Variants in DAPP1 observed in about 807,000 individuals in gnomAD.
The protein encoded by DAPP1 is dual adaptor of phosphotyrosine and 3-phosphoinositides 1.
DAPP1 carries 20 observed loss-of-function variants against 41.5 expected under a neutral mutation model. The ratio of observed to expected loss-of-function variants is 0.48; its 90% CI spans 0.34 to 0.70. The LOEUF is 0.70. DAPP1 is among the 30% of genes least tolerant of loss of function. The pLI, the probability that DAPP1 is intolerant of heterozygous loss-of-function variation, is 0.01. For synonymous variants in DAPP1, 113 were observed against 116.2 expected (o/e 0.97, Z 0.18); for missense variants, 233 against 333.4 (o/e 0.70, Z 2.35).
chr4:99,844,185 G>A (rs1025958378), intron 3 of DAPP1: 10 of 152,152 alleles, frequency 6.6e-5, no homozygotes, highest in African/African-American at 2.4e-4. Context: ...AGAAAAGAGG[G>A]AAACAGGGAA....
chr4:99,836,139 CT>C (rs1334130755), intron 2 of DAPP1, among the ~76,000 whole-genome samples: 1 of 152,204 alleles, frequency 6.6e-6, no homozygotes, highest in Non-Finnish European at 1.5e-5. Flanking sequence ...TGATTTATGA[CT>C]GTACGGCTTT....
chr4:99,818,725 A>G (rs1722673569), intron 1 of DAPP1, among the ~76,000 whole-genome samples: 1 of 152,068 alleles, frequency 6.6e-6, no homozygotes, highest in Admixed American at 6.6e-5. Flanking sequence ...AGATTTCCCT[A>G]TTTCAGAAGG....
intron 1 of DAPP1, 29 bp from the exon 2 acceptor site, chr4:99,835,594 G>A: frequency 6.2e-7 from 1 of 1,608,954 alleles, no homozygotes; most frequent in Non-Finnish European, 8.5e-7. Context: ...GGTTTGGCCT[G>A]AGTGAAAGCG....
rs74586862 is a variant in DAPP1 at position 99,840,225 on chromosome 4, A to C, written c.225-64A>C. The stretch of plus-strand genomic sequence containing the variant: ...AATAGTGATGCTAACATCTGAGATC[A>C]TATTTCCCTTCAACAAGATATTTAT... On this transcript the variant is annotated intron_variant, in intron 2 of 8. Transcript: ENST00000512369. 2.6e-3 allele frequency: 3,012 copies of C among 1,174,306 alleles called. 56 individuals carry two copies. In the African/African-American group the frequency reaches 0.038, roughly 15 times the overall value. The allele number at this position is 1,174,306 out of a possible 1,614,324, so 72.7% of individuals were successfully genotyped here.
intron 1 of DAPP1, among the ~76,000 whole-genome samples, chr4:99,820,902 A>G (rs1463756760): frequency 6.6e-6 from 1 of 152,238 alleles, no homozygotes; most frequent in Non-Finnish European, 1.5e-5. Context: ...ATGTACAGCC[A>G]TTCTTGGCTC....
chr4:99,820,956 G>A lies in DAPP1; in HGVS notation c.101+3942G>A, dbSNP rs971470714. 2.4e-4 allele frequency among the ~76,000 whole-genome samples: 36 copies of A among 152,298 alleles called. 1 individual carries two copies. The East Asian group carries it at 6.6e-3, about 28-fold the overall frequency. Reference sequence around the variant, plus strand: ...GGTGTCTGACAGGAATTAACCCTCAGCTGGTGGTTTGCTGACCCACGGAAT... The same window carrying A: ...GGTGTCTGACAGGAATTAACCCTCAACTGGTGGTTTGCTGACCCACGGAAT... On this transcript the variant is annotated intron_variant, in intron 1 of 8. Transcript: ENST00000512369.
intron 2 of DAPP1, among the ~76,000 whole-genome samples, chr4:99,836,260 A>G (rs1723294901): frequency 6.6e-6 from 1 of 152,196 alleles, no homozygotes; most frequent in Admixed American, 6.5e-5. Context: ...AAGTTAATCC[A>G]GTCCCCACCA....
intron 1 of DAPP1, among the ~76,000 whole-genome samples, chr4:99,826,683 A>G (rs1722949022): frequency 6.6e-6 from 1 of 152,208 alleles, no homozygotes; most frequent in Non-Finnish European, 1.5e-5. Flanking sequence ...TGCTCCAGCT[A>G]GGCATTTGGT....
At chr4:99,852,458 G>C (rs1286105148) in intron 3 of DAPP1, among the ~76,000 whole-genome samples, 1 of 152,192 alleles carries the variant, frequency 6.6e-6, no homozygotes, top group Non-Finnish European at 1.5e-5. Context: ...ACTCAGAACT[G>C]CTCTGAGCCC....
chr4:99,828,900 G>A (rs1723030909), intron 1 of DAPP1, among the ~76,000 whole-genome samples: 1 of 152,170 alleles, frequency 6.6e-6, no homozygotes, highest in South Asian at 2.1e-4. Flanking sequence ...TTATGGCAAT[G>A]TGTGGGCCTT....
At chr4:99,842,869 T>TTTTTTTTTTTGG (rs1723541822) in intron 3 of DAPP1, among the ~76,000 whole-genome samples, 1 of 148,198 alleles carries the variant, frequency 6.7e-6, no homozygotes. Context: ...TTTTTTTTTT[T>TTTTTTTTTTTGG]GAGACGGAGT....
chr4:99,868,475 G>C lies in DAPP1; in HGVS notation c.*290G>C, dbSNP rs1724539138. The C allele has an allele frequency of 2.9e-6, 1 of 343,460 alleles. No individual in the cohort carries two copies. Among genetic ancestry groups the C allele is most frequent in the South Asian group, 3.7e-5 (1 of 27,312 alleles). 21.3% of individuals were successfully genotyped at this position (343,460 alleles called of 1,614,324 possible). A position where few individuals can be genotyped will look rare whatever the true frequency, so the allele number is the denominator to read the frequency against. ...CTTAGAACACACAATGGAAGAGGAA[G>C]GGTTTTTGTTTTCACTCATTGTGGT... On this transcript the variant is annotated 3_prime_UTR_variant, in exon 9 of 9. Transcript: ENST00000512369.
chr4:99,846,264 T>C (rs1490949770), intron 3 of DAPP1, among the ~76,000 whole-genome samples: 1 of 152,220 alleles, frequency 6.6e-6, no homozygotes. Flanking sequence ...GAAGTTTCCA[T>C]GGTGACTAGA....
intron 8 of DAPP1, 74 bp from the exon 9 acceptor site, chr4:99,868,043 T>C (rs1427497869): frequency 1.6e-6 from 2 of 1,284,682 alleles, no homozygotes; most frequent in Non-Finnish European, 2.3e-6. Context: ...ACATGTCTTA[T>C]TTAATATTTG....
At chr4:99,859,218 G>C (rs1015857584) in intron 4 of DAPP1, among the ~76,000 whole-genome samples, 8 of 151,982 alleles carry the variant, frequency 5.3e-5, no homozygotes, top group African/African-American at 1.5e-4. Context: ...GCCTGGCCTG[G>C]CCTCAAAATT....
chr4:99,871,963 A>G (rs1225820094), downstream of DAPP1, among the ~76,000 whole-genome samples: 1 of 152,250 alleles, frequency 6.6e-6, no homozygotes, highest in African/African-American at 2.4e-5. Context: ...CTTGTAGACA[A>G]CAGCAGCCAC....
chr4:99,817,715 C>A (rs1198927354), intron 1 of DAPP1, among the ~76,000 whole-genome samples: 1 of 152,164 alleles, frequency 6.6e-6, no homozygotes, highest in East Asian at 1.9e-4. Context: ...TAATAAGAAA[C>A]AAGTATTACA....
At chr4:99,824,623 G>T (rs187537317) in intron 1 of DAPP1, among the ~76,000 whole-genome samples, 40 of 152,244 alleles carry the variant, frequency 2.6e-4, no homozygotes, top group African/African-American at 9.4e-4. Context: ...AGCCCACAAT[G>T]GTAGGTTGTC....
intron 3 of DAPP1, among the ~76,000 whole-genome samples, chr4:99,849,047 T>G (rs949074341): frequency 2.6e-5 from 4 of 152,240 alleles, no homozygotes; most frequent in African/African-American, 9.6e-5. Flanking sequence ...GACACCAGAT[T>G]TTTATCAGTA....
Sources: gnomAD v4.1 joint callset for allele counts (sites outside exome capture counted in the v4.1 genomes callset) on GRCh38, gnomAD v4.1.1 for gene constraint, MANE v1.5 for transcripts, NCBI Gene and HGNC (gene_info 2026-07-23, HGNC 2026-07-21) for gene names.